Variants in PDE11A observed in about 807,000 individuals in gnomAD.
PDE11A encodes phosphodiesterase 11A.
A neutral mutation model predicts 100.5 loss-of-function variants in PDE11A; 100 were observed. The observed-to-expected ratio is 1.00, with a 90% CI of 0.85 to 1.18. The LOEUF (loss-of-function observed/expected upper bound fraction) is 1.18, where lower values mean the gene tolerates loss of function less well. Among genes scored for constraint, PDE11A ranks in the 50% most tolerant of loss-of-function variants. PDE11A has a pLI of 0.00. For missense variants in PDE11A, 1,141 were observed against 1,152.6 expected, an observed-to-expected ratio of 0.99 and a Z score of 0.15; for synonymous variants, 381 against 420.8, an observed-to-expected ratio of 0.91 and a Z score of 1.16.
chr2:177,926,703 A>G (rs2105759529), intron 2 of PDE11A, among the ~76,000 whole-genome samples: 1 of 152,288 alleles, frequency 6.6e-6, no homozygotes, highest in Admixed American at 6.5e-5. Flanking sequence ...CTTAAGTCCA[A>G]AATGTGGTAC....
intron 2 of PDE11A, among the ~76,000 whole-genome samples, chr2:177,952,207 C>T (rs2085513340): frequency 6.6e-6 from 1 of 152,324 alleles, no homozygotes; most frequent in East Asian, 1.9e-4. Context: ...CACTTTCCAC[C>T]TAAGAGACTC....
chr2:177,650,141 G>A (rs1281895596), intron 19 of PDE11A, among the ~76,000 whole-genome samples: 1 of 152,146 alleles, frequency 6.6e-6, no homozygotes, highest in Non-Finnish European at 1.5e-5. Context: ...AATAAAGGCT[G>A]ACTACCTCAT....
At chr2:177,897,405 G>A (rs1218215148) in intron 4 of PDE11A, among the ~76,000 whole-genome samples, 4 of 152,230 alleles carry the variant, frequency 2.6e-5, no homozygotes, top group African/African-American at 9.6e-5. Context: ...CTATGGAGCA[G>A]CAGGAACCCC....
chr2:177,675,262 T>TG (rs1553536645), intron 17 of PDE11A, among the ~76,000 whole-genome samples, 193 bp downstream of exon 17: 1 of 139,132 alleles, frequency 7.2e-6, no homozygotes, highest in Admixed American at 7.1e-5. Context: ...GAAAGCACGA[T>TG]AAAAAAAAAA....
intron 1 of PDE11A, among the ~76,000 whole-genome samples, chr2:178,107,111 A>T (rs1296026255): frequency 6.6e-6 from 1 of 152,156 alleles, no homozygotes; most frequent in African/African-American, 2.4e-5. Flanking sequence ...CACGTGTAAC[A>T]TATTTCCATT....
rs139137103 is a variant in PDE11A, at chr2:177,852,660, T to C, written c.1368-12277A>G. ...TCTCGAACACCCAGGACTTGGGACA[T>C]TAAAAATCTTTTAATGGCTTAAGTA... is the stretch of plus-strand genomic sequence containing the variant. On this transcript the variant is annotated intron_variant, in intron 5 of 19. Transcript: ENST00000286063. Among the ~76,000 whole-genome samples, 1,103 of 152,256 alleles carry C rather than the reference T, an allele frequency of 7.2e-3. 13 individuals are homozygous for C. Among genetic ancestry groups the C allele is most frequent in the African/African-American group, 0.025 (1,027 of 41,548 alleles).
intron 2 of PDE11A, among the ~76,000 whole-genome samples, chr2:177,945,927 T>G (rs200759286): frequency 6.3e-5 from 8 of 127,390 alleles, no homozygotes; most frequent in African/African-American, 2.1e-4. Flanking sequence ...AGGTGAGGGG[T>G]GCCTCTGCCC....
chr2:178,010,291 C>CT (rs1375788375), intron 2 of PDE11A, among the ~76,000 whole-genome samples: 1 of 152,204 alleles, frequency 6.6e-6, no homozygotes, highest in Non-Finnish European at 1.5e-5. Context: ...TGTTTTCTTA[C>CT]TTGTAGGCAA....
intron 12 of PDE11A, among the ~76,000 whole-genome samples, chr2:177,714,051 T>C (rs1376734685): frequency 7.8e-6 from 1 of 128,302 alleles, no homozygotes; most frequent in African/African-American, 2.9e-5. Context: ...TGGAGTGCAG[T>C]GGCGCGATCT....
chr2:177,688,587 C>T lies in PDE11A; in HGVS notation c.2346-7684G>A, dbSNP rs545615913. ...TCATGAGGAACTGTATCATTAACTT[C>T]TCACGCAGATCATGGGGAACCTTGG... On this transcript the variant is annotated intron_variant, in intron 15 of 19. Transcript: ENST00000286063. Among the ~76,000 whole-genome samples the T allele has an allele frequency of 8.5e-5, 13 of 152,312 alleles. No homozygotes were observed. In the South Asian group the frequency reaches 2.7e-3, roughly 32 times the overall value.
chr2:177,732,469 G>A (rs1423153346), intron 10 of PDE11A, among the ~76,000 whole-genome samples: 3 of 152,142 alleles, frequency 2.0e-5, no homozygotes, highest in Non-Finnish European at 4.4e-5. Flanking sequence ...GGCAAAGGAG[G>A]CTGAACCTTG....
At position 177,840,303 on chromosome 2, in the gene PDE11A, C is replaced by T. The variant is rs1335655184; in HGVS notation, c.1448G>A (p.Gly483Asp). ...GGCATCACTGATGTTCACTGGAAGG[C>T]CTGTTGAAGCAACCAGCTCAGCAAT... ...NSIAELVAST[G>D]LPVNISDAYQ... Residue 483 changes from glycine to aspartate, a missense_variant, in exon 6 of 20, where the codon GGC (glycine) becomes GAC (aspartate). By Grantham distance (94) the Gly-to-Asp change is moderately conservative (BLOSUM62 -1). Transcript: ENST00000286063. 3 of 1,613,862 alleles carry T rather than the reference C, an allele frequency of 1.9e-6. No homozygotes were observed. Among genetic ancestry groups the T allele is most frequent in the African/African-American group, 1.3e-5 (1 of 74,934 alleles).
intron 2 of PDE11A, among the ~76,000 whole-genome samples, chr2:177,920,339 A>C (rs2085022072): frequency 6.6e-6 from 1 of 152,114 alleles, no homozygotes; most frequent in African/African-American, 2.4e-5. Flanking sequence ...ATCAGAAAAA[A>C]AAATACCTCA....
intron 5 of PDE11A, among the ~76,000 whole-genome samples, chr2:177,868,156 A>C (rs185475837): frequency 6.6e-6 from 1 of 152,340 alleles, no homozygotes; most frequent in African/African-American, 2.4e-5. Flanking sequence ...AAAGTCAATA[A>C]GGCATTGAAA....
At chr2:177,730,313 G>A (rs2081664996) in intron 10 of PDE11A, among the ~76,000 whole-genome samples, 1 of 152,100 alleles carries the variant, frequency 6.6e-6, no homozygotes, top group Admixed American at 6.5e-5. Context: ...ACCTATGAGT[G>A]AGAACATGCG....
At chr2:178,091,027 T>C (rs2087416242) in intron 2 of PDE11A, among the ~76,000 whole-genome samples, 1 of 152,224 alleles carries the variant, frequency 6.6e-6, no homozygotes. Flanking sequence ...CTGAGAACTC[T>C]GTTAGGACAT....
intron 2 of PDE11A, among the ~76,000 whole-genome samples, chr2:178,103,758 CAGATAGAT>C (rs557075732): frequency 1.3e-5 from 2 of 151,482 alleles, no homozygotes; most frequent in Non-Finnish European, 2.9e-5. Flanking sequence ...CATTCTTAGA[CAGATAGAT>C]AGATAGATAG....
intron 2 of PDE11A, among the ~76,000 whole-genome samples, chr2:178,093,623 A>G (rs2087450794): frequency 6.6e-6 from 1 of 152,232 alleles, no homozygotes; most frequent in South Asian, 2.1e-4. Context: ...TTATAATTAG[A>G]AGTCTACCAA....
chr2:177,873,525 C>A (rs1360775079), intron 5 of PDE11A, among the ~76,000 whole-genome samples: 1 of 152,048 alleles, frequency 6.6e-6, no homozygotes, highest in Non-Finnish European at 1.5e-5. Flanking sequence ...TTTCAATTTC[C>A]ATTTTAAGGT....
Sources: allele counts gnomAD v4.1 joint callset (sites outside exome capture counted in the v4.1 genomes callset), GRCh38; gene constraint gnomAD v4.1.1; transcripts MANE v1.5; gene names NCBI Gene and HGNC (gene_info 2026-07-23, HGNC 2026-07-21).